The following ANKRD36 variants were observed in gnomAD, a reference collection of about 807,000 sequenced individuals.
The protein encoded by ANKRD36 is ankyrin repeat domain 36, also known as ankyrin repeat domain-containing protein 36A.
A neutral mutation model predicts 278.1 loss-of-function variants in ANKRD36; 179 were observed. The observed-to-expected ratio is 0.64, with a 90% CI of 0.57 to 0.73. The LOEUF is 0.73. Among genes scored for constraint, ANKRD36 ranks in the 30% least tolerant of loss-of-function variants. The pLI, the probability that ANKRD36 is intolerant of heterozygous loss-of-function variation, is 0.00. For synonymous variants in ANKRD36, 320 were observed against 641.1 expected (o/e 0.50, Z 7.57); for missense variants, 1,159 against 1,956.7 (o/e 0.59, Z 7.69).
chr2:97,151,218 C>T (rs1362364410), intron 12 of ANKRD36, among the ~76,000 whole-genome samples: 3 of 151,908 alleles, frequency 2.0e-5, no homozygotes, highest in Non-Finnish European at 4.4e-5. Context: ...TTTCATTTCA[C>T]TTCTGTTTCT....
intron 5 of ANKRD36, among the ~76,000 whole-genome samples, chr2:97,126,828 T>G (rs1253955450): frequency 4.6e-5 from 7 of 150,902 alleles, no homozygotes; most frequent in Non-Finnish European, 8.9e-5. Flanking sequence ...GACTTTCCAT[T>G]ATGTCAAGCT....
chr2:97,196,323 G>GC (rs74801540), intron 40 of ANKRD36, among the ~76,000 whole-genome samples: 97,514 of 151,556 alleles, frequency 0.64, 31,158 homozygotes, highest in Non-Finnish European at 0.79. Flanking sequence ...CTCGGCCTAA[G>GC]ACATTGATAT....
intron 26 of ANKRD36, among the ~76,000 whole-genome samples, chr2:97,182,671 T>A (rs1298541090): frequency 4.6e-5 from 7 of 151,230 alleles, no homozygotes; most frequent in Non-Finnish European, 7.4e-5. Flanking sequence ...CAATGAATAT[T>A]GGAGGGATTT....
chr2:97,224,432 T>C (rs2068672734), intron 66 of ANKRD36, among the ~76,000 whole-genome samples: 1 of 140,714 alleles, frequency 7.1e-6, no homozygotes, highest in Non-Finnish European at 1.5e-5. Context: ...AAGACTATCG[T>C]TTTGTTTTTT....
Position 97,193,037 on chromosome 2 carries a change from A to C in ANKRD36, c.2433A>C (p.Gly811=), listed in dbSNP as rs2153570661. 2 of 1,559,802 alleles carry C rather than the reference A, an allele frequency of 1.3e-6. No individual in the cohort carries two copies. Among genetic ancestry groups the C allele is most frequent in the Admixed American group, 3.8e-5 (2 of 52,552 alleles). The change falls in exon 38 of 76, where the codon GGA becomes GGC. Residue 811 remains glycine (G), a synonymous_variant. Coordinates refer to ENST00000420699, the MANE Select transcript of ANKRD36 (RefSeq NM_001354587.1). Reference sequence around the variant, plus strand: ...GTATAGCCAGAGAAAACAAGGATGGAGAAAAATCTAGGACAGGTAATTTTG... The same window carrying C: ...GTATAGCCAGAGAAAACAAGGATGGCGAAAAATCTAGGACAGGTAATTTTG... ...VLSIARENKD[G]EKSRTVSSRK...
chr2:97,228,393 A>G (rs1244449367), intron 67 of ANKRD36, among the ~76,000 whole-genome samples: 1 of 152,016 alleles, frequency 6.6e-6, no homozygotes, highest in East Asian at 1.9e-4. Flanking sequence ...GAATTTATGC[A>G]TTTCTTCTAG....
intron 46 of ANKRD36, among the ~76,000 whole-genome samples, chr2:97,201,275 C>G (rs1229585941): frequency 1.3e-5 from 2 of 151,870 alleles, no homozygotes; most frequent in African/African-American, 4.8e-5. Flanking sequence ...TTTCCTTGTT[C>G]AAGGAGCTAC....
At chr2:97,170,239 C>A (rs1049107954) in intron 22 of ANKRD36, among the ~76,000 whole-genome samples, 1 of 151,696 alleles carries the variant, frequency 6.6e-6, no homozygotes, top group African/African-American at 2.4e-5. Context: ...GAAACTGAAA[C>A]TGGACCCCTT....
chr2:97,232,082 A>G (rs1351256870), intron 67 of ANKRD36, among the ~76,000 whole-genome samples: 5 of 151,902 alleles, frequency 3.3e-5, no homozygotes, highest in African/African-American at 1.2e-4. Flanking sequence ...ATTATTTTTC[A>G]CTTCTTAGTT....
At chr2:97,178,721 T>A (rs2055161818) in intron 22 of ANKRD36, among the ~76,000 whole-genome samples, 1 of 151,206 alleles carries the variant, frequency 6.6e-6, no homozygotes, top group Admixed American at 6.6e-5. Context: ...GAGATATACC[T>A]AATGCTAGAT....
intron 28 of ANKRD36, 51 bp downstream of exon 28, chr2:97,183,705 A>G: frequency 6.6e-7 from 1 of 1,523,828 alleles, no homozygotes; most frequent in South Asian, 1.2e-5. Flanking sequence ...ACAGAAGAGA[A>G]CGTCCCACCC....
chr2:97,209,058 T>G (rs1342385325), intron 54 of ANKRD36, among the ~76,000 whole-genome samples: 1 of 146,570 alleles, frequency 6.8e-6, no homozygotes, highest in Non-Finnish European at 1.5e-5. Flanking sequence ...AAGGCTAAAC[T>G]AGTGGATACA....
At chr2:97,225,841 G>C (rs1440777140) in intron 67 of ANKRD36, among the ~76,000 whole-genome samples, 1 of 145,486 alleles carries the variant, frequency 6.9e-6, no homozygotes, top group Non-Finnish European at 1.5e-5. Context: ...TGTTCTCATT[G>C]TTCAATTCCC....
At chr2:97,126,228 G>T (rs1440986524) in intron 5 of ANKRD36, among the ~76,000 whole-genome samples, 1 of 138,566 alleles carries the variant, frequency 7.2e-6, no homozygotes, top group African/African-American at 2.7e-5. Context: ...ATGAAAGTAG[G>T]GTTTTGTCTT....
chr2:97,222,071 C>T (rs1441030658), intron 66 of ANKRD36, among the ~76,000 whole-genome samples: 2 of 151,758 alleles, frequency 1.3e-5, no homozygotes, highest in Non-Finnish European at 2.9e-5. Flanking sequence ...TCAGGTTTGT[C>T]AAAGATCAGA....
At position 97,210,225 on chromosome 2, in the gene ANKRD36, C is replaced by T. The variant is rs868165855; in HGVS notation, c.3367+353C>T. On this transcript the variant is annotated intron_variant, in intron 56 of 75. Transcript: ENST00000420699. ...AGTATAGATTTTACAGACGTCACAT[C>T]GTACTGCTAAAAACAGACAGATAAC... Among the ~76,000 whole-genome samples, 22 of 151,838 alleles carry T rather than the reference C, an allele frequency of 1.4e-4. 1 individual carries two copies. Among genetic ancestry groups the T allele is most frequent in the South Asian group, 2.1e-4 (1 of 4,794 alleles).
intron 38 of ANKRD36, among the ~76,000 whole-genome samples, chr2:97,193,615 C>CA (rs1427593753): frequency 6.6e-6 from 1 of 151,262 alleles, no homozygotes; most frequent in Non-Finnish European, 1.5e-5. Flanking sequence ...GGAATATTTT[C>CA]ATAAAAAATA....
rs1172551826 is a variant in ANKRD36, at chr2:97,178,546, G to T, written c.1634-1192G>T. ...CTTTGAAGGGACATGGATGAAATTG[G>T]AAATCATCATTCTCAGTAAACTATC... On this transcript the variant is annotated intron_variant, in intron 22 of 75. Transcript: ENST00000420699. Among the ~76,000 whole-genome samples, 3 of 151,656 alleles carry T rather than the reference G, an allele frequency of 2.0e-5. No individual in the cohort carries two copies. The East Asian group carries it at 5.8e-4, about 29-fold the overall frequency.
At position 97,145,377 on chromosome 2, in the gene ANKRD36, A is replaced by G. The variant is rs550665777; in HGVS notation, c.1003+665A>G. On this transcript the variant is annotated intron_variant, in intron 10 of 75. Transcript: ENST00000420699. ...CAGTCACCTGTTTCCCCTCTTTGTT[A>G]TTATTGGGCATCAGAGATATATGTT... Among the ~76,000 whole-genome samples, 3 of 152,076 alleles carry G rather than the reference A, an allele frequency of 2.0e-5. No individual in the cohort carries two copies. The South Asian group carries it at 6.3e-4, about 32-fold the overall frequency.
Sources: gnomAD v4.1 joint callset for allele counts (sites outside exome capture counted in the v4.1 genomes callset) on GRCh38, gnomAD v4.1.1 for gene constraint, MANE v1.5 for transcripts, NCBI Gene and HGNC (gene_info 2026-07-23, HGNC 2026-07-21) for gene names.